PDLIM5: variants seen among roughly 807,000 people sequenced by gnomAD.
PDLIM5 encodes the protein PDZ and LIM domain protein 5.
Under a neutral mutation model 64.2 loss-of-function variants are expected in PDLIM5, and 34 were observed. The ratio of observed to expected loss-of-function variants is 0.53; its 90% confidence interval spans 0.40 to 0.71. PDLIM5 has a LOEUF of 0.71. PDLIM5 is among the 30% of genes least tolerant of loss of function. The probability of loss-of-function intolerance (pLI) is 0.00; values close to 1 mark genes in which losing one functional copy is unlikely to be tolerated. For missense variants in PDLIM5, 683 were observed against 733.6 expected (o/e 0.93, Z 0.80); for synonymous variants, 253 against 269.1 (o/e 0.94, Z 0.59).
chr4:94,547,119 A>G (rs76789883), intron 3 of PDLIM5, among the ~76,000 whole-genome samples: 3 of 152,118 alleles, frequency 2.0e-5, no homozygotes, highest in Non-Finnish European at 4.4e-5. Context: ...ACATTTTCAT[A>G]AAAGTTTTCC....
intron 7 of PDLIM5, chr4:94,608,311 G>T (rs752549841): frequency 4.4e-5 from 20 of 455,252 alleles, no homozygotes; most frequent in Non-Finnish European, 6.3e-5. Flanking sequence ...AAGAAAGCTT[G>T]GCACTCAGCC....
chr4:94,633,448 C>A (rs1328849939), intron 8 of PDLIM5, among the ~76,000 whole-genome samples: 1 of 152,220 alleles, frequency 6.6e-6, no homozygotes, highest in Non-Finnish European at 1.5e-5. Context: ...CCATCTACTT[C>A]TTCAAGTTAT....
chr4:94,555,259 G>T (rs984714433), intron 3 of PDLIM5, among the ~76,000 whole-genome samples: 1 of 152,166 alleles, frequency 6.6e-6, no homozygotes. Flanking sequence ...TCCCCGCCAT[G>T]TTGGCCAGGA....
At chr4:94,497,084 C>A (rs1727470269) in intron 2 of PDLIM5, among the ~76,000 whole-genome samples, 1 of 152,162 alleles carries the variant, frequency 6.6e-6, no homozygotes, top group Non-Finnish European at 1.5e-5. Flanking sequence ...GAATTGTGAT[C>A]TAAGAATTGC....
intron 7 of PDLIM5, chr4:94,588,191 A>G (rs957924013): frequency 1.0e-6 from 1 of 966,678 alleles, no homozygotes; most frequent in African/African-American, 1.8e-5. Flanking sequence ...ATTACAGTAT[A>G]ACTGGGTAAA....
At chr4:94,526,021 A>C (rs1730321654) in intron 3 of PDLIM5, among the ~76,000 whole-genome samples, 1 of 152,214 alleles carries the variant, frequency 6.6e-6, no homozygotes, top group South Asian at 2.1e-4. Flanking sequence ...CAAGAAGCTT[A>C]ACTTGTTTGA....
At chr4:94,607,460 G>A (rs1738018072) in intron 7 of PDLIM5, among the ~76,000 whole-genome samples, 3 of 151,950 alleles carry the variant, frequency 2.0e-5, no homozygotes, top group Admixed American at 2.0e-4. Flanking sequence ...TTAAAGTAAA[G>A]AATACTCAAA....
chr4:94,483,715 G>A (rs1264195705), intron 2 of PDLIM5, among the ~76,000 whole-genome samples: 3 of 152,018 alleles, frequency 2.0e-5, no homozygotes, highest in South Asian at 2.1e-4. Context: ...TGTTTATTCC[G>A]TTCGTGATTA....
At chr4:94,531,807 C>G (rs978527613) in intron 3 of PDLIM5, among the ~76,000 whole-genome samples, 7 of 152,116 alleles carry the variant, frequency 4.6e-5, no homozygotes, top group Admixed American at 1.3e-4. Flanking sequence ...TACTTATGAG[C>G]AACTGCATCT....
At chr4:94,541,741 G>A (rs924449016) in intron 3 of PDLIM5, among the ~76,000 whole-genome samples, 3 of 152,214 alleles carry the variant, frequency 2.0e-5, no homozygotes, top group Non-Finnish European at 2.9e-5. Flanking sequence ...CCAGCTGGAG[G>A]GGGCTGATGG....
At chr4:94,640,680 AG>A (rs1403457156) in intron 9 of PDLIM5, among the ~76,000 whole-genome samples, 1 of 152,196 alleles carries the variant, frequency 6.6e-6, no homozygotes, top group Non-Finnish European at 1.5e-5. Flanking sequence ...GTTCGTTATC[AG>A]TTATCAATTC....
chr4:94,473,171 A>AGCATT (rs1475437785), intron 2 of PDLIM5, among the ~76,000 whole-genome samples: 1 of 152,224 alleles, frequency 6.6e-6, no homozygotes, highest in Non-Finnish European at 1.5e-5. Flanking sequence ...CCTTGAGGTG[A>AGCATT]GCATTTGCTT....
intron 8 of PDLIM5, among the ~76,000 whole-genome samples, chr4:94,622,863 G>C (rs936142611): frequency 5.3e-5 from 8 of 151,998 alleles, no homozygotes; most frequent in Non-Finnish European, 1.0e-4. Flanking sequence ...TAGAGACGGG[G>C]TTTCACCATG....
At chr4:94,535,121 A>G (rs565786537) in intron 3 of PDLIM5, among the ~76,000 whole-genome samples, 1 of 152,066 alleles carries the variant, frequency 6.6e-6, no homozygotes, top group Non-Finnish European at 1.5e-5. Flanking sequence ...AGAGGCAGGG[A>G]GACTAGTCAG....
intron 9 of PDLIM5, among the ~76,000 whole-genome samples, chr4:94,648,200 A>G (rs1741566064): frequency 6.6e-6 from 1 of 152,210 alleles, no homozygotes; most frequent in South Asian, 2.1e-4. Context: ...AAAAAAAATC[A>G]ATGAAACCAC....
chr4:94,512,514 C>G (rs1211957128), intron 2 of PDLIM5, among the ~76,000 whole-genome samples: 1 of 152,136 alleles, frequency 6.6e-6, no homozygotes, highest in African/African-American at 2.4e-5. Context: ...TTGCATTTCT[C>G]TGATGATCAG....
At chr4:94,592,658 C>T (rs1451650636) in intron 7 of PDLIM5, among the ~76,000 whole-genome samples, 2 of 152,122 alleles carry the variant, frequency 1.3e-5, no homozygotes, top group South Asian at 2.1e-4. Context: ...GACAGAGTCT[C>T]GCTTTGTCAC....
intron 7 of PDLIM5, among the ~76,000 whole-genome samples, chr4:94,610,557 T>C (rs775676614): frequency 6.6e-6 from 1 of 152,220 alleles, no homozygotes; most frequent in Non-Finnish European, 1.5e-5. Context: ...GCGTGAATTA[T>C]TACATGTTGT....
intron 8 of PDLIM5, among the ~76,000 whole-genome samples, chr4:94,634,914 G>T (rs1740439274): frequency 6.6e-6 from 1 of 152,096 alleles, no homozygotes; most frequent in Non-Finnish European, 1.5e-5. Flanking sequence ...TATTTTACTG[G>T]ACTAACTTAA....
Sources: allele counts gnomAD v4.1 joint callset (sites outside exome capture counted in the v4.1 genomes callset), GRCh38; gene constraint gnomAD v4.1.1; transcripts MANE v1.5; gene names NCBI Gene and HGNC (gene_info 2026-07-23, HGNC 2026-07-21).